The following LINGO1 variants were observed in gnomAD, a reference collection of about 807,000 sequenced individuals.
The protein encoded by LINGO1 is leucine rich repeat and Ig domain containing 1, also known as leucine-rich repeat and immunoglobulin-like domain-containing nogo receptor-interacting protein 1.
LINGO1 carries 11 observed loss-of-function variants against 37.3 expected under a neutral mutation model. That is an observed-to-expected ratio of 0.29 (90% confidence interval 0.19 to 0.49). The LOEUF is 0.49. LINGO1 is among the 20% of genes least tolerant of loss of function. The probability of loss-of-function intolerance (pLI) is 0.99; values close to 1 mark genes in which losing one functional copy is unlikely to be tolerated. For missense variants in LINGO1, 585 were observed against 878.2 expected (o/e 0.67, Z 4.22); for synonymous variants, 387 against 403.0 (o/e 0.96, Z 0.48).
chr15:77,820,552 C>T (rs1297354196), upstream of LINGO1, among the ~76,000 whole-genome samples: 2 of 152,214 alleles, frequency 1.3e-5, no homozygotes, highest in Non-Finnish European at 2.9e-5. Context: ...AGTCTGAACT[C>T]CAGGTGAAGA....
At chr15:77,752,709 C>G (rs968010271) in intron 1 of LINGO1, among the ~76,000 whole-genome samples, 2 of 152,184 alleles carry the variant, frequency 1.3e-5, no homozygotes, top group African/African-American at 4.8e-5. Flanking sequence ...GGCTGTAGCA[C>G]TGTAGAGGGG....
At chr15:77,740,589 G>C (rs1452764168) in intron 1 of LINGO1, among the ~76,000 whole-genome samples, 9 of 152,140 alleles carry the variant, frequency 5.9e-5, no homozygotes, top group Non-Finnish European at 1.3e-4. Context: ...CACAGCCAAG[G>C]GTGTGTGTCA....
chr15:77,775,990 C>T (rs1440049116), intron 1 of LINGO1, among the ~76,000 whole-genome samples: 1 of 152,148 alleles, frequency 6.6e-6, no homozygotes, highest in Non-Finnish European at 1.5e-5. Context: ...GCCCATCCAT[C>T]CCTCTCAATG....
At chr15:77,757,848 C>T (rs1372896970) in intron 1 of LINGO1, among the ~76,000 whole-genome samples, 1 of 152,210 alleles carries the variant, frequency 6.6e-6, no homozygotes, top group Non-Finnish European at 1.5e-5. Context: ...CAGGCATAGG[C>T]CCCCCATAAG....
chr15:77,615,304 G>A lies in LINGO1; in HGVS notation c.603C>T (p.Cys201=), dbSNP rs1454114601. 6.2e-7 allele frequency: 1 copy of A among 1,613,588 alleles called. No homozygotes were observed. The highest frequency in any genetic ancestry group is 8.5e-7 in the Non-Finnish European group (1 of 1,179,834). ...NSLEQLTLEK[C]NLTSIPTEAL... is the part of the protein sequence containing the mutation. ...CCTCGGTGGGGATGGAGGTCAGGTT[G>A]CATTTCTCCAGCGTCAGCTGCTCCA... Residue 201 remains cysteine (C), a synonymous_variant, in exon 2 of 2, where the codon TGC becomes TGT. Coordinates refer to ENST00000355300, the MANE Select transcript of LINGO1 (RefSeq NM_032808.7).
At chr15:77,747,552 C>G (rs2076326440) in intron 1 of LINGO1, among the ~76,000 whole-genome samples, 1 of 152,362 alleles carries the variant, frequency 6.6e-6, no homozygotes, top group Admixed American at 6.5e-5. Context: ...AATTCCCAGT[C>G]TGGGCTTCTA....
At chr15:77,807,570 T>C (rs1331588392) in intron 1 of LINGO1, among the ~76,000 whole-genome samples, 1 of 152,090 alleles carries the variant, frequency 6.6e-6, no homozygotes. Context: ...TTTTCATGGG[T>C]GTTCCTGCCT....
At chr15:77,633,044 T>G (rs1246580185), upstream of LINGO1, among the ~76,000 whole-genome samples, 1 of 150,074 alleles carries the variant, frequency 6.7e-6, no homozygotes, top group African/African-American at 2.5e-5. Context: ...GTGGTTCGTC[T>G]CCTTTCAGCG....
chr15:77,806,732 G>A (rs1054643602), intron 1 of LINGO1, among the ~76,000 whole-genome samples: 4 of 152,116 alleles, frequency 2.6e-5, no homozygotes, highest in Non-Finnish European at 4.4e-5. Flanking sequence ...AAGAACTGGA[G>A]TGCCTCTCCC....
chr15:77,789,724 G>A (rs780906196), upstream of LINGO1, among the ~76,000 whole-genome samples: 18 of 152,186 alleles, frequency 1.2e-4, no homozygotes, highest in Non-Finnish European at 2.4e-4. Context: ...GCCTGAAACA[G>A]ATCATCCTTC....
At chr15:77,742,537 C>G (rs192854349) in intron 1 of LINGO1, among the ~76,000 whole-genome samples, 13 of 152,334 alleles carry the variant, frequency 8.5e-5, no homozygotes, top group African/African-American at 1.2e-4. Flanking sequence ...TAATTTGAAC[C>G]CAGATCTGGG....
intron 1 of LINGO1, chr15:77,696,343 C>T (rs572820231): frequency 7.2e-5 from 11 of 152,412 alleles, no homozygotes; most frequent in South Asian, 2.1e-4. Context: ...CCCTCCACCC[C>T]GGACTCTCCT....
intron 1 of LINGO1, among the ~76,000 whole-genome samples, chr15:77,767,388 T>G (rs964965558): frequency 2.0e-5 from 3 of 152,156 alleles, no homozygotes; most frequent in Admixed American, 1.3e-4. Flanking sequence ...ATGAAGAAGT[T>G]TCCAGATATG....
At chr15:77,647,229 G>A (rs927282951) in intron 3 of LINGO1, among the ~76,000 whole-genome samples, 8 of 152,116 alleles carry the variant, frequency 5.3e-5, no homozygotes, top group African/African-American at 1.9e-4. Context: ...CTCGGATCAG[G>A]TCCTGGTTAT....
At chr15:77,715,943 G>A (rs753056286) in intron 2 of LINGO1, among the ~76,000 whole-genome samples, 1 of 152,182 alleles carries the variant, frequency 6.6e-6, no homozygotes, top group South Asian at 2.1e-4. Flanking sequence ...GGTGTCTCAC[G>A]GTCAGCTGAG....
intron 2 of LINGO1, among the ~76,000 whole-genome samples, chr15:77,705,110 C>T (rs183953483): frequency 1.7e-3 from 255 of 151,180 alleles, no homozygotes; most frequent in African/African-American, 5.4e-3. Flanking sequence ...CCAGTCCACA[C>T]CCTCCCCACA....
intron 2 of LINGO1, among the ~76,000 whole-genome samples, chr15:77,728,851 T>G (rs1328454664): frequency 6.6e-6 from 1 of 152,270 alleles, no homozygotes; most frequent in African/African-American, 2.4e-5. Context: ...GAGGATTAAA[T>G]AAATAACTAT....
At chr15:77,673,542 A>T (rs1041499056) in intron 3 of LINGO1, among the ~76,000 whole-genome samples, 2 of 152,090 alleles carry the variant, frequency 1.3e-5, no homozygotes, top group Non-Finnish European at 2.9e-5. Context: ...CAGGACATAC[A>T]TGCCTGGTTC....
intron 1 of LINGO1, among the ~76,000 whole-genome samples, chr15:77,694,122 T>G (rs1277707566): frequency 6.6e-6 from 1 of 152,118 alleles, no homozygotes; most frequent in South Asian, 2.1e-4. Flanking sequence ...GCCATGAGCT[T>G]CTTCAATTCT....
Sources: allele counts gnomAD v4.1 joint callset (sites outside exome capture counted in the v4.1 genomes callset), GRCh38; gene constraint gnomAD v4.1.1; transcripts MANE v1.5; gene names NCBI Gene and HGNC (gene_info 2026-07-23, HGNC 2026-07-21).